Variants in STAU2 observed in about 807,000 individuals in gnomAD.
STAU2 encodes staufen double-stranded RNA binding protein 2.
A neutral mutation model predicts 65.9 loss-of-function variants in STAU2; 20 were observed. The observed-to-expected ratio is 0.30, with a 90% CI of 0.21 to 0.44. The LOEUF (loss-of-function observed/expected upper bound fraction) is 0.44. STAU2 is among the 20% of genes least tolerant of loss of function. The probability of loss-of-function intolerance (pLI) is 1.00; values close to 1 mark genes in which losing one functional copy is unlikely to be tolerated. For missense variants in STAU2, 558 were observed against 683.9 expected (o/e 0.82, Z 2.05); for synonymous variants, 232 against 233.9 (o/e 0.99, Z 0.07).
chr8:73,630,658 A>G (rs936964633), intron 6 of STAU2, among the ~76,000 whole-genome samples: 2 of 152,222 alleles, frequency 1.3e-5, no homozygotes, highest in African/African-American at 4.8e-5. Flanking sequence ...GAGTTAGTGT[A>G]GCATAGCAGA....
intron 13 of STAU2, among the ~76,000 whole-genome samples, chr8:73,482,398 G>C (rs943489528): frequency 6.6e-6 from 1 of 152,000 alleles, no homozygotes; most frequent in Non-Finnish European, 1.5e-5. Context: ...TTGCACATAT[G>C]AACAAATTGG....
At chr8:73,730,728 CAAAAAAAAA>C (rs60034849) in intron 3 of STAU2, among the ~76,000 whole-genome samples, 11 of 82,700 alleles carry the variant, frequency 1.3e-4, no homozygotes, top group African/African-American at 2.0e-4. Flanking sequence ...CTACGTCTTT[CAAAAAAAAA>C]AAAAAAAAAA....
Position 73,601,274 on chromosome 8 carries a change from C to A in STAU2, c.1029+2452G>T, listed in dbSNP as rs533018334. 2.0e-5 allele frequency among the ~76,000 whole-genome samples: 3 copies of A among 152,250 alleles called. No homozygotes were observed. The East Asian group carries it at 5.8e-4, about 29-fold the overall frequency. On this transcript the variant is annotated intron_variant, in intron 10 of 14. Coordinates refer to ENST00000524300, the MANE Select transcript of STAU2 (RefSeq NM_001164380.2). ...TTTAACAACCTGGTGATCTCAATCA[C>A]AGGCTGAAAAGTTAGTAATACAGTG...
At chr8:73,622,733 G>A (rs16938707) in intron 6 of STAU2, among the ~76,000 whole-genome samples, 10,851 of 152,246 alleles carry the variant, frequency 0.071, 420 homozygotes, top group Middle Eastern at 0.14. Flanking sequence ...TTGAGTGAAT[G>A]GCTGCTGAAA....
chr8:73,466,178 T>C (rs1819642682), intron 13 of STAU2, among the ~76,000 whole-genome samples: 1 of 152,226 alleles, frequency 6.6e-6, no homozygotes, highest in Non-Finnish European at 1.5e-5. Context: ...TGGAAACCCA[T>C]ACATTACATT....
chr8:73,686,153 G>A (rs1194197315), intron 5 of STAU2, among the ~76,000 whole-genome samples: 11 of 152,254 alleles, frequency 7.2e-5, no homozygotes, highest in Non-Finnish European at 1.2e-4. Flanking sequence ...GGTGGCTCAC[G>A]CCTGTAATCC....
At position 73,483,946 on chromosome 8, in the gene STAU2, C is replaced by G. The variant is rs74352570; in HGVS notation, c.1531-61244G>C. 6.6e-5 allele frequency among the ~76,000 whole-genome samples: 10 copies of G among 152,170 alleles called. No homozygotes were observed. The East Asian group carries it at 1.9e-3, about 29-fold the overall frequency. On this transcript the variant is annotated intron_variant, in intron 13 of 14. Coordinates refer to ENST00000524300, the MANE Select transcript of STAU2 (RefSeq NM_001164380.2). ...CTTGCTAGTTCTTTTCTTTTAAATG[C>G]TAAGGATTTTGTTTCAGCCACAGCG...
intron 4 of STAU2, among the ~76,000 whole-genome samples, chr8:73,694,310 GAAC>G (rs1426345077): frequency 1.3e-5 from 2 of 152,074 alleles, no homozygotes; most frequent in Non-Finnish European, 2.9e-5. Flanking sequence ...TAGTACAGTT[GAAC>G]AACACTATCA....
Position 73,619,427 on chromosome 8 carries a change from AG to A in STAU2, c.411-1977del, listed in dbSNP as rs1813067453. On this transcript the variant is annotated intron_variant, in intron 6 of 14. Transcript: ENST00000524300. ...CAGTCCTAAAAAATGTTTGTTTCCA[AG>A]CAAAAAGAAGTCCAATTGAGGTCCT... Among the ~76,000 whole-genome samples the A allele has an allele frequency of 5.3e-5, 8 of 152,354 alleles. No homozygotes were observed. The South Asian group carries it at 1.7e-3, about 32-fold the overall frequency.
chr8:73,685,545 T>C (rs1430617729), intron 5 of STAU2, among the ~76,000 whole-genome samples: 1 of 152,008 alleles, frequency 6.6e-6, no homozygotes, highest in Admixed American at 6.6e-5. Context: ...CGGCTAATTA[T>C]TTTTGTATTT....
intron 13 of STAU2, among the ~76,000 whole-genome samples, chr8:73,462,724 T>C (rs1208321789): frequency 2.0e-5 from 3 of 152,114 alleles, no homozygotes; most frequent in African/African-American, 7.2e-5. Context: ...CTAAAAAATA[T>C]GTAAAAGATT....
At chr8:73,616,658 C>T (rs954235582) in intron 7 of STAU2, among the ~76,000 whole-genome samples, 4 of 151,964 alleles carry the variant, frequency 2.6e-5, no homozygotes, top group Admixed American at 1.3e-4. Flanking sequence ...ATTAGCTGGG[C>T]GTGGTAGCAT....
intron 12 of STAU2, 133 bp downstream of exon 12, chr8:73,582,637 G>A: frequency 1.5e-6 from 1 of 651,962 alleles, no homozygotes; most frequent in Non-Finnish European, 2.6e-6. Context: ...GCAAACACCA[G>A]GACTCCTTTG....
At chr8:73,422,813 T>A in intron 13 of STAU2, 111 bp from the exon 14 acceptor site, 1 of 740,658 alleles carries the variant, frequency 1.4e-6, no homozygotes, top group Non-Finnish European at 2.0e-6. Flanking sequence ...TACATAATTT[T>A]TTTTTGCATT....
intron 13 of STAU2, among the ~76,000 whole-genome samples, chr8:73,502,879 G>C (rs1295680110): frequency 2.0e-5 from 3 of 151,946 alleles, no homozygotes; most frequent in Admixed American, 6.6e-5. Context: ...GCTTACATGA[G>C]GCAGATATTC....
At chr8:73,593,095 T>C (rs946035012) in intron 11 of STAU2, among the ~76,000 whole-genome samples, 1 of 152,262 alleles carries the variant, frequency 6.6e-6, no homozygotes, top group East Asian at 1.9e-4. Flanking sequence ...ATTACATTTG[T>C]GAAATATCTC....
At chr8:73,523,809 C>T (rs1031965331) in intron 13 of STAU2, among the ~76,000 whole-genome samples, 1 of 152,122 alleles carries the variant, frequency 6.6e-6, no homozygotes, top group African/African-American at 2.4e-5. Context: ...GGGGCCAAAT[C>T]ATAGGAGTTT....
At chr8:73,483,166 T>C (rs1585851119) in intron 13 of STAU2, among the ~76,000 whole-genome samples, 2 of 152,066 alleles carry the variant, frequency 1.3e-5, no homozygotes, top group East Asian at 3.9e-4. Context: ...AAAAGTGCTT[T>C]CAACATGCTG....
intron 13 of STAU2, among the ~76,000 whole-genome samples, chr8:73,504,675 A>G (rs1821958034): frequency 6.6e-6 from 1 of 152,138 alleles, no homozygotes; most frequent in East Asian, 1.9e-4. Flanking sequence ...TTGTATAAAT[A>G]AGGTTGTCTC....
Sources: allele counts gnomAD v4.1 joint callset (sites outside exome capture counted in the v4.1 genomes callset), GRCh38; gene constraint gnomAD v4.1.1; transcripts MANE v1.5; gene names NCBI Gene and HGNC (gene_info 2026-07-23, HGNC 2026-07-21).